ITGA9: variants seen among roughly 807,000 people sequenced by gnomAD.
ITGA9 encodes the protein integrin subunit alpha 9.
Under a neutral mutation model 127.8 loss-of-function variants are expected in ITGA9, and 56 were observed. The observed-to-expected ratio is 0.44, with a 90% CI of 0.35 to 0.55. The LOEUF is 0.55. Among genes scored for constraint, ITGA9 ranks in the 20% least tolerant of loss-of-function variants. ITGA9 has a pLI of 0.00. For missense variants in ITGA9, 1,196 were observed against 1,347.1 expected (o/e 0.89, Z 1.76); for synonymous variants, 508 against 514.5 (o/e 0.99, Z 0.17).
chr3:37,693,404 C>T (rs2125668537), intron 18 of ITGA9, among the ~76,000 whole-genome samples: 1 of 152,282 alleles, frequency 6.6e-6, no homozygotes, highest in African/African-American at 2.4e-5. Flanking sequence ...TCAAGGCTTT[C>T]AGTGGCTAAT....
At chr3:37,694,930 A>G (rs1700868397) in intron 18 of ITGA9, among the ~76,000 whole-genome samples, 1 of 152,204 alleles carries the variant, frequency 6.6e-6, no homozygotes, top group Admixed American at 6.5e-5. Flanking sequence ...GAGGGCTCAC[A>G]TGCAAGTGGT....
chr3:37,535,595 C>T (rs368571045), intron 14 of ITGA9, among the ~76,000 whole-genome samples: 8 of 152,182 alleles, frequency 5.3e-5, no homozygotes, highest in Middle Eastern at 3.2e-3. Flanking sequence ...ACCTTGTGGG[C>T]AATGCGAAGC....
intron 18 of ITGA9, among the ~76,000 whole-genome samples, chr3:37,694,504 G>A (rs893482209): frequency 1.3e-5 from 2 of 152,234 alleles, no homozygotes; most frequent in African/African-American, 2.4e-5. Context: ...GTATTCCGCC[G>A]CGGGGCTCAG....
chr3:37,776,578 T>C (rs1157132342), intron 23 of ITGA9, among the ~76,000 whole-genome samples: 1 of 152,250 alleles, frequency 6.6e-6, no homozygotes, highest in Admixed American at 6.5e-5. Flanking sequence ...GATATGGTGA[T>C]ATATAAAGAA....
intron 26 of ITGA9, among the ~76,000 whole-genome samples, chr3:37,787,287 GAA>G (rs4020512): frequency 9.4e-5 from 14 of 149,504 alleles, no homozygotes; most frequent in Admixed American, 4.0e-4. Context: ...TTGTGTAGAT[GAA>G]AAAAAAAAAT....
At chr3:37,679,624 C>G (rs1700716380) in intron 17 of ITGA9, among the ~76,000 whole-genome samples, 1 of 152,158 alleles carries the variant, frequency 6.6e-6, no homozygotes, top group Admixed American at 6.5e-5. Flanking sequence ...TTCATTCATT[C>G]AAGTGTTCAC....
intron 18 of ITGA9, among the ~76,000 whole-genome samples, chr3:37,705,796 A>G (rs1232841787): frequency 6.6e-6 from 1 of 152,222 alleles, no homozygotes; most frequent in African/African-American, 2.4e-5. Flanking sequence ...AAGAGCATGC[A>G]TACTGAGCAT....
intron 27 of ITGA9, among the ~76,000 whole-genome samples, chr3:37,813,256 T>G (rs1394983885): frequency 1.3e-5 from 2 of 152,238 alleles, no homozygotes; most frequent in African/African-American, 4.8e-5. Flanking sequence ...GAAATGCATT[T>G]AATACCCCAA....
At position 37,638,019 on chromosome 3, in the gene ITGA9, A is replaced by G. The variant is rs577791625; in HGVS notation, c.1839+8683A>G. Among the ~76,000 whole-genome samples, 6 of 152,296 alleles carry G rather than the reference A, an allele frequency of 3.9e-5. No homozygotes were observed. The East Asian group carries it at 9.6e-4, about 24-fold the overall frequency. ...ATGGCTGGGTGATTCTCATGCAGCTAAAGTATGAGAACTGATACAGTAGAG... is the reference window on the plus strand; with the variant it reads ...ATGGCTGGGTGATTCTCATGCAGCTGAAGTATGAGAACTGATACAGTAGAG... On this transcript the variant is annotated intron_variant, in intron 16 of 27. Coordinates refer to ENST00000264741, the MANE Select transcript of ITGA9 (RefSeq NM_002207.3).
chr3:37,657,441 T>G (rs1429314939), intron 17 of ITGA9, among the ~76,000 whole-genome samples: 1 of 152,214 alleles, frequency 6.6e-6, no homozygotes, highest in Admixed American at 6.5e-5. Flanking sequence ...GTCCAGGAAT[T>G]TATCCATTTC....
At chr3:37,602,553 ATT>A (rs922785055) in intron 15 of ITGA9, among the ~76,000 whole-genome samples, 1 of 152,064 alleles carries the variant, frequency 6.6e-6, no homozygotes, top group Non-Finnish European at 1.5e-5. Context: ...ATTCATTTGA[ATT>A]TTTTTATTTA....
At position 37,736,888 on chromosome 3, in the gene ITGA9, C is replaced by T. The variant is rs1243185462; in HGVS notation, c.2155-16C>T. ...GAATGCCTGCTGATGCCAAATACCA[C>T]TTCCTTTTTCACTAGTATGAATTCA... On this transcript the variant is annotated splice_polypyrimidine_tract_variant and intron_variant, in intron 19 of 27. Coordinates refer to ENST00000264741, the MANE Select transcript of ITGA9 (RefSeq NM_002207.3). The T allele has an allele frequency of 6.3e-7, 1 of 1,589,114 alleles. No homozygotes were observed.
intron 25 of ITGA9, among the ~76,000 whole-genome samples, chr3:37,781,525 T>C (rs532792418): frequency 1.3e-5 from 2 of 152,292 alleles, no homozygotes; most frequent in East Asian, 3.9e-4. Context: ...TCACAGGTGG[T>C]TCATTAAAAA....
intron 5 of ITGA9, among the ~76,000 whole-genome samples, chr3:37,497,904 G>A (rs1419512585): frequency 1.3e-5 from 2 of 152,232 alleles, no homozygotes; most frequent in East Asian, 3.8e-4. Flanking sequence ...GGAGTGGAAG[G>A]GCCTGAAGGG....
At chr3:37,601,564 GAAGCA>G (rs1415185519) in intron 15 of ITGA9, among the ~76,000 whole-genome samples, 2 of 152,030 alleles carry the variant, frequency 1.3e-5, no homozygotes, top group Non-Finnish European at 2.9e-5. Context: ...ATGATCTCCA[GAAGCA>G]ACTTACATGT....
intron 17 of ITGA9, among the ~76,000 whole-genome samples, chr3:37,664,779 C>A (rs1263911571): frequency 1.3e-5 from 2 of 151,966 alleles, no homozygotes; most frequent in African/African-American, 4.8e-5. Context: ...GAGCTTACGG[C>A]TGGCATGCCA....
intron 22 of ITGA9, among the ~76,000 whole-genome samples, chr3:37,744,301 G>A (rs1214921687): frequency 6.6e-6 from 1 of 152,170 alleles, no homozygotes. Context: ...CCTCTGTGTG[G>A]TGGAGGCCTC....
chr3:37,469,962 AT>A (rs1211835543), intron 1 of ITGA9, among the ~76,000 whole-genome samples: 1 of 151,618 alleles, frequency 6.6e-6, no homozygotes, highest in African/African-American at 2.4e-5. Flanking sequence ...TGCCCAGCTA[AT>A]TTTTTGTATT....
chr3:37,796,418 C>G (rs1407550593), intron 26 of ITGA9, among the ~76,000 whole-genome samples: 3 of 152,072 alleles, frequency 2.0e-5, no homozygotes, highest in Admixed American at 2.0e-4. Context: ...CAATGAATTT[C>G]CACAATGTCT....
Sources: gnomAD v4.1 joint callset for allele counts (sites outside exome capture counted in the v4.1 genomes callset) on GRCh38, gnomAD v4.1.1 for gene constraint, MANE v1.5 for transcripts, NCBI Gene and HGNC (gene_info 2026-07-23, HGNC 2026-07-21) for gene names.